NBEA: variants seen among roughly 807,000 people sequenced by gnomAD.
NBEA encodes neurobeachin, also known as lysosomal-trafficking regulator 2.
A neutral mutation model predicts 343.4 loss-of-function variants in NBEA; 44 were observed. The ratio of observed to expected loss-of-function variants is 0.13; its 90% CI spans 0.10 to 0.16. NBEA has a LOEUF of 0.16. Ranked by LOEUF, NBEA falls within the 10% of genes least tolerant of loss-of-function variation. NBEA has a pLI of 1.00. For synonymous variants in NBEA, 1,175 were observed against 1,238.7 expected (o/e 0.95, Z 1.08); for missense variants, 2,555 against 3,631.3 (o/e 0.70, Z 7.62).
At chr13:35,308,564 ATGTATATATATG>A (rs1450293136) in intron 35 of NBEA, among the ~76,000 whole-genome samples, 2 of 108,032 alleles carry the variant, frequency 1.9e-5, no homozygotes, top group African/African-American at 7.2e-5. Context: ...ATATGTATAT[ATGTATATATATG>A]TATATATGTA....
intron 17 of NBEA, among the ~76,000 whole-genome samples, chr13:35,131,833 A>T (rs957247411): frequency 6.6e-6 from 1 of 152,230 alleles, no homozygotes; most frequent in Admixed American, 6.5e-5. Context: ...AGAGTGTATT[A>T]TCTGACCACA....
intron 41 of NBEA, among the ~76,000 whole-genome samples, chr13:35,501,943 A>C (rs1308075587): frequency 6.6e-6 from 1 of 152,110 alleles, no homozygotes; most frequent in Non-Finnish European, 1.5e-5. Flanking sequence ...ATGTGTATAT[A>C]CACACGTGAA....
At chr13:35,593,291 A>C (rs375762091) in intron 46 of NBEA, 37 bp from the exon 47 acceptor site, 150 of 1,608,882 alleles carry the variant, frequency 9.3e-5, no homozygotes, top group Non-Finnish European at 1.2e-4. Flanking sequence ...AGCTGTGTTT[A>C]GAGTGGTCAA....
At chr13:35,540,409 A>G (rs1186581116) in intron 41 of NBEA, among the ~76,000 whole-genome samples, 1 of 152,142 alleles carries the variant, frequency 6.6e-6, no homozygotes, top group Non-Finnish European at 1.5e-5. Context: ...TGGTCTCCCC[A>G]CCTCATCCCT....
chr13:35,308,212 C>T (rs984013714), intron 35 of NBEA, among the ~76,000 whole-genome samples: 1 of 151,354 alleles, frequency 6.6e-6, no homozygotes, highest in South Asian at 2.1e-4. Context: ...AGGGTTGATA[C>T]AGAGACTGTG....
chr13:35,377,786 G>A (rs910419943), intron 38 of NBEA, among the ~76,000 whole-genome samples: 1 of 152,114 alleles, frequency 6.6e-6, no homozygotes, highest in African/African-American at 2.4e-5. Context: ...TTCTACCAGT[G>A]TAGTCCTATC....
chr13:35,588,278 T>C (rs185584805), intron 46 of NBEA, among the ~76,000 whole-genome samples: 6 of 152,222 alleles, frequency 3.9e-5, no homozygotes, highest in Non-Finnish European at 7.4e-5. Flanking sequence ...AATAAAAGTA[T>C]CAGTCTAATG....
chr13:35,119,033 A>G (rs2066652361), intron 16 of NBEA, among the ~76,000 whole-genome samples: 1 of 152,178 alleles, frequency 6.6e-6, no homozygotes, highest in South Asian at 2.1e-4. Flanking sequence ...TCAGTATTAA[A>G]GATGATGACT....
chr13:35,630,904 G>T (rs1301950676), intron 49 of NBEA, among the ~76,000 whole-genome samples: 1 of 152,106 alleles, frequency 6.6e-6, no homozygotes, highest in East Asian at 1.9e-4. Context: ...CAGATTAAAT[G>T]ATTTCAAGGA....
At chr13:35,317,710 C>A (rs2152838050) in intron 36 of NBEA, among the ~76,000 whole-genome samples, 1 of 152,290 alleles carries the variant, frequency 6.6e-6, no homozygotes, top group South Asian at 2.1e-4. Flanking sequence ...TGGCCATTTT[C>A]ACAATATTGA....
intron 31 of NBEA, among the ~76,000 whole-genome samples, chr13:35,206,521 T>G: frequency 6.6e-6 from 1 of 152,272 alleles, no homozygotes. Context: ...CTCACATTAT[T>G]TTATAAGTTT....
At chr13:35,345,208 G>T (rs1026071819) in intron 36 of NBEA, among the ~76,000 whole-genome samples, 4 of 151,978 alleles carry the variant, frequency 2.6e-5, no homozygotes, top group African/African-American at 9.7e-5. Context: ...TTCATGATTA[G>T]AAAGAATACT....
intron 41 of NBEA, among the ~76,000 whole-genome samples, chr13:35,522,832 C>T (rs73499813): frequency 0.02 from 3,049 of 152,094 alleles, 100 homozygotes; most frequent in African/African-American, 0.068. Flanking sequence ...CAGTTTAATC[C>T]CCAGACCACC....
At chr13:35,007,114 G>A (rs995512445) in intron 1 of NBEA, among the ~76,000 whole-genome samples, 16 of 151,966 alleles carry the variant, frequency 1.1e-4, no homozygotes, top group Admixed American at 9.2e-4. Flanking sequence ...ATGGATGATA[G>A]ATCAGAAATG....
chr13:35,087,243 A>G (rs574829675), intron 10 of NBEA, among the ~76,000 whole-genome samples: 3 of 151,956 alleles, frequency 2.0e-5, no homozygotes, highest in East Asian at 3.9e-4. Flanking sequence ...TAAAACAACT[A>G]GAAAAAAACA....
chr13:35,262,309 C>T (rs1004564808), intron 34 of NBEA, among the ~76,000 whole-genome samples: 6 of 152,088 alleles, frequency 3.9e-5, no homozygotes, highest in African/African-American at 9.7e-5. Flanking sequence ...ATTATATGAC[C>T]GAGTAATCCC....
chr13:35,164,385 T>A lies in NBEA; in HGVS notation c.4109T>A (p.Val1370Asp). 1 of 1,586,384 alleles carries A rather than the reference T, an allele frequency of 6.3e-7. No homozygotes were observed. ...TCTACAAAGTCTGTAATGGATTTTGTCAATAGCAATGAAAATATTATTTTT... is the reference window on the plus strand; with the variant it reads ...TCTACAAAGTCTGTAATGGATTTTGACAATAGCAATGAAAATATTATTTTT... ...SHSTKSVMDF[V>D]NSNENIIFVH... Residue 1370 changes from valine (V) to aspartate (D), a missense_variant, in exon 24 of 59, where the codon GTC (valine) becomes GAC (aspartate). Transcript: ENST00000379939.
chr13:35,405,729 A>T (rs1472066577), intron 38 of NBEA, among the ~76,000 whole-genome samples: 1 of 152,184 alleles, frequency 6.6e-6, no homozygotes, highest in East Asian at 1.9e-4. Flanking sequence ...ACAGTAATCA[A>T]ATGTTGAAGT....
chr13:35,408,106 A>G (rs1428742217), intron 38 of NBEA, among the ~76,000 whole-genome samples: 1 of 152,200 alleles, frequency 6.6e-6, no homozygotes, highest in Admixed American at 6.6e-5. Flanking sequence ...TCCAACTTCA[A>G]AATATACTAC....
Sources: allele counts gnomAD v4.1 joint callset (sites outside exome capture counted in the v4.1 genomes callset), GRCh38; gene constraint gnomAD v4.1.1; transcripts MANE v1.5; gene names NCBI Gene and HGNC (gene_info 2026-07-23, HGNC 2026-07-21).